Variants in PARD3B observed in about 807,000 individuals in gnomAD.
The protein encoded by PARD3B is par-3 family cell polarity regulator beta.
In PARD3B, 103 loss-of-function variants were observed where a neutral mutation model predicts 130.2. The ratio of observed to expected loss-of-function variants is 0.79; its 90% CI spans 0.67 to 0.93. The LOEUF (loss-of-function observed/expected upper bound fraction) is 0.93. Ranked by LOEUF, PARD3B falls within the 40% of genes least tolerant of loss-of-function variation. PARD3B has a pLI of 0.00. For missense variants in PARD3B, 1,609 were observed against 1,499.2 expected (o/e 1.07, Z -1.21); for synonymous variants, 583 against 553.2 (o/e 1.05, Z -0.76).
chr2:204,989,103 AG>A (rs764274930), intron 3 of PARD3B, among the ~76,000 whole-genome samples: 1 of 152,138 alleles, frequency 6.6e-6, no homozygotes, highest in Non-Finnish European at 1.5e-5. Context: ...TGTAATGTTA[AG>A]GGGGGTACAG....
At chr2:205,062,990 G>C (rs1292909979) in intron 4 of PARD3B, among the ~76,000 whole-genome samples, 1 of 151,864 alleles carries the variant, frequency 6.6e-6, no homozygotes, top group African/African-American at 2.4e-5. Flanking sequence ...GTGAGGGAGG[G>C]GGTTTGCTTG....
intron 10 of PARD3B, among the ~76,000 whole-genome samples, chr2:205,156,279 GGA>G (rs1553626791): frequency 7.7e-6 from 1 of 130,236 alleles, no homozygotes; most frequent in Non-Finnish European, 1.6e-5. Flanking sequence ...GGCGGGGGGG[GGA>G]GGAATAGCAT....
chr2:205,454,073 T>G (rs1440964602), intron 20 of PARD3B, among the ~76,000 whole-genome samples: 1 of 152,194 alleles, frequency 6.6e-6, no homozygotes, highest in Non-Finnish European at 1.5e-5. Context: ...AGCACCCTAC[T>G]CAAGGCTGCG....
intron 18 of PARD3B, among the ~76,000 whole-genome samples, chr2:205,346,698 C>G (rs2043804112): frequency 6.6e-6 from 1 of 152,182 alleles, no homozygotes; most frequent in Non-Finnish European, 1.5e-5. Flanking sequence ...TATTCCTTCT[C>G]CAGATTACTG....
chr2:205,022,315 C>T (rs1294625102), intron 3 of PARD3B, among the ~76,000 whole-genome samples: 4 of 152,124 alleles, frequency 2.6e-5, no homozygotes, highest in Non-Finnish European at 5.9e-5. Flanking sequence ...ATTTGCCGGC[C>T]AACACTGAAT....
intron 18 of PARD3B, chr2:205,348,186 C>T (rs1204916008): frequency 6.6e-6 from 1 of 152,220 alleles, no homozygotes; most frequent in East Asian, 1.9e-4. Flanking sequence ...GTAATAGCTA[C>T]AGGCTGTGAG....
chr2:204,784,519 A>G (rs2041942872), intron 2 of PARD3B, among the ~76,000 whole-genome samples: 1 of 152,184 alleles, frequency 6.6e-6, no homozygotes, highest in Non-Finnish European at 1.5e-5. Flanking sequence ...GCATGTAAGC[A>G]TTCATGTGGT....
At chr2:205,051,320 G>A (rs562932504) in intron 4 of PARD3B, among the ~76,000 whole-genome samples, 8 of 152,238 alleles carry the variant, frequency 5.3e-5, no homozygotes, top group South Asian at 2.1e-4. Flanking sequence ...AAAAATAATT[G>A]CTTAAAAAGC....
chr2:204,595,009 G>T (rs1250482382), intron 1 of PARD3B, among the ~76,000 whole-genome samples: 4 of 152,044 alleles, frequency 2.6e-5, no homozygotes, highest in African/African-American at 7.2e-5. Context: ...AGCATCATGG[G>T]TCTACTTTAT....
intron 2 of PARD3B, among the ~76,000 whole-genome samples, chr2:204,787,977 A>G (rs1312757796): frequency 2.0e-5 from 3 of 152,190 alleles, no homozygotes; most frequent in South Asian, 4.1e-4. Context: ...ACTTCCGTAC[A>G]GTATCTGGTC....
chr2:205,366,420 C>G lies in PARD3B; in HGVS notation c.2631-34593C>G, dbSNP rs954729137. Among the ~76,000 whole-genome samples, 9 of 152,170 alleles carry G rather than the reference C, an allele frequency of 5.9e-5. No homozygotes were observed. The highest frequency in any genetic ancestry group is 1.9e-4 in the African/African-American group (8 of 41,446). On this transcript the variant is annotated intron_variant, in intron 18 of 22. Coordinates refer to ENST00000406610, the MANE Select transcript of PARD3B (RefSeq NM_001302769.2). This position sits in a 1 kb window ranked among gnomAD's most constrained non-coding sequence, Gnocchi z 5.0. ...CGATGACAACCTAATGTTTTGTTCTCTCAGTGGTTATTACAGCAGCTTATA... is the reference window on the plus strand; with the variant it reads ...CGATGACAACCTAATGTTTTGTTCTGTCAGTGGTTATTACAGCAGCTTATA...
rs1033689800 is a variant in PARD3B at position 204,736,080 on chromosome 2, C to A, written c.222+49798C>A. Among the ~76,000 whole-genome samples the A allele has an allele frequency of 1.1e-4, 17 of 152,068 alleles. No homozygotes were observed. The East Asian group carries it at 1.9e-3, about 17-fold the overall frequency. ...GATGTGACCATTTAAGAAGGCACAT[C>A]CCTCTTACTCCCTCTTTTCTATCAA... On this transcript the variant is annotated intron_variant, in intron 2 of 22. Transcript: ENST00000406610.
At position 204,606,029 on chromosome 2, in the gene PARD3B, A is replaced by G. The variant is rs992040676; in HGVS notation, c.120+59910A>G. ...AAAGGGATCTTCTCTCCCTCTCTCCATTGGGACATGATATTACCAAGAAGT... is the reference window on the plus strand; with the variant it reads ...AAAGGGATCTTCTCTCCCTCTCTCCGTTGGGACATGATATTACCAAGAAGT... On this transcript the variant is annotated intron_variant, in intron 1 of 22. Transcript: ENST00000406610. The surrounding 1 kb of genome is among the most constrained non-coding windows in gnomAD (Gnocchi z 4.0). 1.9e-4 allele frequency among the ~76,000 whole-genome samples: 29 copies of G among 152,086 alleles called. No individual in the cohort carries two copies. The highest frequency in any genetic ancestry group is 7.0e-4 in the African/African-American group (29 of 41,482).
rs1359579670 is a variant in PARD3B, at chr2:204,623,578, A to G, written c.121-62603A>G. Among the ~76,000 whole-genome samples the G allele has an allele frequency of 6.6e-6, 1 of 152,106 alleles. No homozygotes were observed. The highest frequency in any genetic ancestry group is 1.9e-4 in the East Asian group (1 of 5,196). ...GAATGACTTTTTTTTTCTACTTGGCATAATGTCATTGAGATATATCCAAGT... is the reference window on the plus strand; with the variant it reads ...GAATGACTTTTTTTTTCTACTTGGCGTAATGTCATTGAGATATATCCAAGT... On this transcript the variant is annotated intron_variant, in intron 1 of 22. Transcript: ENST00000406610. The surrounding 1 kb of genome is among the most constrained non-coding windows in gnomAD (Gnocchi z 4.5).
chr2:205,520,566 A>G (rs1338391829), intron 21 of PARD3B, among the ~76,000 whole-genome samples: 3 of 152,194 alleles, frequency 2.0e-5, no homozygotes, highest in African/African-American at 7.2e-5. Flanking sequence ...TCATAAATTA[A>G]TACATGCTCT....
chr2:205,253,113 T>C lies in PARD3B; in HGVS notation c.2185+7291T>C, dbSNP rs1033159440. ...TAAACATTTATTTCTTGATCACATA[T>C]CTCCAGGTATACTGGAATTTGCTGG... On this transcript the variant is annotated intron_variant, in intron 16 of 22. Coordinates refer to ENST00000406610, the MANE Select transcript of PARD3B (RefSeq NM_001302769.2). This position sits in a 1 kb window ranked among gnomAD's most constrained non-coding sequence, Gnocchi z 4.4. Among the ~76,000 whole-genome samples the C allele has an allele frequency of 1.3e-5, 2 of 152,114 alleles. No homozygotes were observed. Among genetic ancestry groups the C allele is most frequent in the Admixed American group, 1.3e-4 (2 of 15,280 alleles).
chr2:205,140,991 TG>T (rs2032904148), intron 10 of PARD3B, among the ~76,000 whole-genome samples: 1 of 152,172 alleles, frequency 6.6e-6, no homozygotes, highest in South Asian at 2.1e-4. Flanking sequence ...ACTTTTGATG[TG>T]GCTAAAATTA....
intron 3 of PARD3B, among the ~76,000 whole-genome samples, chr2:204,980,495 A>G (rs552922178): frequency 6.6e-6 from 1 of 152,314 alleles, no homozygotes; most frequent in African/African-American, 2.4e-5. Context: ...AGAATAGGAT[A>G]CTGAAAAAGA....
chr2:205,177,323 A>G (rs1443180756), intron 13 of PARD3B, among the ~76,000 whole-genome samples: 1 of 152,186 alleles, frequency 6.6e-6, no homozygotes, highest in Admixed American at 6.5e-5. Flanking sequence ...ACTTCTATCA[A>G]AGATCCTAAT....
Sources: allele counts gnomAD v4.1 joint callset (sites outside exome capture counted in the v4.1 genomes callset), GRCh38; gene constraint gnomAD v4.1.1; non-coding constraint Gnocchi (gnomAD v3.1); transcripts MANE v1.5; gene names NCBI Gene and HGNC (gene_info 2026-07-23, HGNC 2026-07-21).